The following GRM8 variants were observed in gnomAD, a reference collection of about 807,000 sequenced individuals.
GRM8 encodes the protein metabotropic glutamate receptor 8.
In GRM8, 47 loss-of-function variants were observed where a neutral mutation model predicts 87.2. That is an observed-to-expected ratio of 0.54 (90% confidence interval 0.43 to 0.69). GRM8 has a LOEUF of 0.69. Among genes scored for constraint, GRM8 ranks in the 30% least tolerant of loss-of-function variants. The pLI is 0.00. For synonymous variants in GRM8, 396 were observed against 404.5 expected, an observed-to-expected ratio of 0.98 and a Z score of 0.25; for missense variants, 1,019 against 1,139.2, an observed-to-expected ratio of 0.89 and a Z score of 1.52.
At chr7:126,742,386 G>C (rs1815110143) in intron 7 of GRM8, among the ~76,000 whole-genome samples, 1 of 151,998 alleles carries the variant, frequency 6.6e-6, no homozygotes, top group African/African-American at 2.4e-5. Flanking sequence ...TTGAAGGCAA[G>C]TTTTAGGACT....
In GRM8 at chr7:127,015,062, AAGAAGAAAGAAAGAAGGAG is replaced by A. The variant is rs1563413500; in HGVS notation, c.727+91415_727+91433del. Among the ~76,000 whole-genome samples, 648 of 96,172 alleles carry A rather than the reference AAGAAGAAAGAAAGAAGGAG, an allele frequency of 6.7e-3. 14 individuals carry two copies. The highest frequency in any genetic ancestry group is 0.011 in the Non-Finnish European group (467 of 40,730). The allele number at this position is 96,172 out of a possible 152,430, so 63.1% of individuals were successfully genotyped here. A position where few individuals can be genotyped will look rare whatever the true frequency, so the allele number is the denominator to read the frequency against. On this transcript the variant is annotated intron_variant, in intron 3 of 10. Coordinates refer to ENST00000339582, the MANE Select transcript of GRM8 (RefSeq NM_000845.3). ...GAAGAAGAAGAAGAAGAAGAAGAAGAAGAAGAAAGAAAGAAGGAGAAGAAGGAGAAGAAGGAGAAGGAGA... is the reference window on the plus strand; with the variant it reads ...GAAGAAGAAGAAGAAGAAGAAGAAGAAAGAAGGAGAAGAAGGAGAAGGAGA...
chr7:126,998,004 C>T (rs1009717275), intron 3 of GRM8, among the ~76,000 whole-genome samples: 8 of 151,860 alleles, frequency 5.3e-5, no homozygotes, highest in African/African-American at 1.2e-4. Flanking sequence ...ATATCCCCGA[C>T]GAATGTTGAT....
At chr7:126,796,704 G>A (rs1037614718) in intron 6 of GRM8, among the ~76,000 whole-genome samples, 2 of 152,078 alleles carry the variant, frequency 1.3e-5, no homozygotes, top group Admixed American at 6.6e-5. Context: ...AGCCCTCTGT[G>A]AATGCATGAC....
chr7:126,884,256 C>T (rs982949526), intron 6 of GRM8, among the ~76,000 whole-genome samples: 1 of 151,840 alleles, frequency 6.6e-6, no homozygotes, highest in African/African-American at 2.4e-5. Flanking sequence ...TTTCCACAAC[C>T]GAGAACTAAA....
At chr7:126,631,401 A>G (rs1466202750) in intron 7 of GRM8, among the ~76,000 whole-genome samples, 1 of 152,132 alleles carries the variant, frequency 6.6e-6, no homozygotes, top group East Asian at 1.9e-4. Context: ...ACAAACGGAA[A>G]CTCATTTCAT....
At chr7:126,705,031 G>A (rs531587553) in intron 7 of GRM8, among the ~76,000 whole-genome samples, 24 of 152,138 alleles carry the variant, frequency 1.6e-4, no homozygotes, top group Middle Eastern at 3.4e-3. Flanking sequence ...GGGGCATCAC[G>A]GAACCTACTG....
rs556399565 is a variant in GRM8, at chr7:126,590,960, C to T, written c.1494+18402G>A. Among the ~76,000 whole-genome samples, 11 of 151,898 alleles carry T rather than the reference C, an allele frequency of 7.2e-5. No homozygotes were observed. In the South Asian group the frequency reaches 1.0e-3, roughly 14 times the overall value. On this transcript the variant is annotated intron_variant, in intron 8 of 10. Transcript: ENST00000339582. ...TCACAGGACCAATAAAACAACAACA[C>T]CATAAATTTTTTTTTTAAAAAAAGG...
chr7:126,525,099 G>A (rs1455274959), intron 9 of GRM8, among the ~76,000 whole-genome samples: 2 of 152,124 alleles, frequency 1.3e-5, no homozygotes, highest in Non-Finnish European at 2.9e-5. Flanking sequence ...GGACCAGGTT[G>A]CATGACAAAG....
intron 8 of GRM8, among the ~76,000 whole-genome samples, chr7:126,608,208 T>C (rs1294822152): frequency 6.6e-6 from 1 of 152,024 alleles, no homozygotes; most frequent in Non-Finnish European, 1.5e-5. Context: ...AGAATTGGTT[T>C]CCTGTTCCAG....
chr7:126,949,854 T>A (rs1362733053), intron 3 of GRM8, among the ~76,000 whole-genome samples: 3 of 152,148 alleles, frequency 2.0e-5, no homozygotes, highest in East Asian at 1.9e-4. Context: ...TAATTCTTCT[T>A]CAAAACTGTG....
intron 8 of GRM8, among the ~76,000 whole-genome samples, chr7:126,596,836 T>C (rs1290970795): frequency 6.6e-6 from 1 of 152,148 alleles, no homozygotes; most frequent in Non-Finnish European, 1.5e-5. Flanking sequence ...TACAATAATT[T>C]TGCAAAATGT....
chr7:127,113,398 A>G (rs939244296), intron 2 of GRM8, among the ~76,000 whole-genome samples: 1 of 152,170 alleles, frequency 6.6e-6, no homozygotes, highest in Non-Finnish European at 1.5e-5. Flanking sequence ...CATACATCTG[A>G]GTACAGATTT....
chr7:126,796,029 T>C (rs1037340768), intron 6 of GRM8, among the ~76,000 whole-genome samples: 1 of 152,092 alleles, frequency 6.6e-6, no homozygotes, highest in Non-Finnish European at 1.5e-5. Context: ...TTTTCCTTAA[T>C]ATACATGAGT....
At chr7:126,549,591 C>T (rs1340983680) in intron 8 of GRM8, among the ~76,000 whole-genome samples, 2 of 151,940 alleles carry the variant, frequency 1.3e-5, no homozygotes, top group Non-Finnish European at 2.9e-5. Flanking sequence ...TATTCTGCCA[C>T]AATACAAATG....
chr7:126,443,792 A>G (rs1382485306), intron 10 of GRM8, among the ~76,000 whole-genome samples: 1 of 152,026 alleles, frequency 6.6e-6, no homozygotes, highest in Non-Finnish European at 1.5e-5. Flanking sequence ...AGAGAAATAC[A>G]TGCAGGCTAT....
At chr7:127,145,124 GTAAT>G (rs1258353275) in intron 2 of GRM8, among the ~76,000 whole-genome samples, 1 of 152,030 alleles carries the variant, frequency 6.6e-6, no homozygotes, top group East Asian at 1.9e-4. Context: ...ATAACAAATA[GTAAT>G]TAAACAGATG....
At chr7:126,830,948 T>C (rs1354650565) in intron 6 of GRM8, among the ~76,000 whole-genome samples, 2 of 152,218 alleles carry the variant, frequency 1.3e-5, no homozygotes, top group Non-Finnish European at 2.9e-5. Flanking sequence ...GCAGGTCTAT[T>C]GGAGTTTGCT....
chr7:126,576,399 C>T (rs1423647093), intron 8 of GRM8, among the ~76,000 whole-genome samples: 1 of 152,150 alleles, frequency 6.6e-6, no homozygotes, highest in Non-Finnish European at 1.5e-5. Flanking sequence ...CCTCCCACCT[C>T]AGTCCCCCAA....
At chr7:127,074,030 G>A (rs959836543) in intron 3 of GRM8, among the ~76,000 whole-genome samples, 2 of 152,158 alleles carry the variant, frequency 1.3e-5, no homozygotes, top group Non-Finnish European at 2.9e-5. Flanking sequence ...TAGTAGTGCT[G>A]TAATGTTTCA....
Sources: allele counts gnomAD v4.1 joint callset (sites outside exome capture counted in the v4.1 genomes callset), GRCh38; gene constraint gnomAD v4.1.1; transcripts MANE v1.5; gene names NCBI Gene and HGNC (gene_info 2026-07-23, HGNC 2026-07-21).